The following CDH18 variants were observed in gnomAD, a reference collection of about 807,000 sequenced individuals.
The protein encoded by CDH18 is cadherin-18.
In CDH18, 31 loss-of-function variants were observed where a neutral mutation model predicts 67.9. The observed-to-expected ratio is 0.46, with a 90% CI of 0.34 to 0.62. The LOEUF is 0.62. CDH18 is among the 20% of genes least tolerant of loss of function. The pLI is 0.01. For missense variants in CDH18, 890 were observed against 975.5 expected (o/e 0.91, Z 1.17); for synonymous variants, 362 against 347.2 (o/e 1.04, Z -0.48).
chr5:19,649,483 T>A (rs1755257476), intron 5 of CDH18, among the ~76,000 whole-genome samples: 1 of 152,216 alleles, frequency 6.6e-6, no homozygotes, highest in African/African-American at 2.4e-5. Flanking sequence ...TTTACTGATA[T>A]GTAAATATTT....
chr5:20,077,472 G>T (rs1281010962), intron 2 of CDH18, among the ~76,000 whole-genome samples: 1 of 152,106 alleles, frequency 6.6e-6, no homozygotes, highest in African/African-American at 2.4e-5. Flanking sequence ...ACTTCCCTAG[G>T]CTGGGATGGC....
At chr5:20,543,869 G>C (rs1275688140) in intron 1 of CDH18, among the ~76,000 whole-genome samples, 2 of 152,084 alleles carry the variant, frequency 1.3e-5, no homozygotes, top group African/African-American at 4.8e-5. Flanking sequence ...AAAAGTAGAA[G>C]GTAGAAACTG....
At chr5:19,871,112 C>T (rs1369540643) in intron 2 of CDH18, among the ~76,000 whole-genome samples, 1 of 152,068 alleles carries the variant, frequency 6.6e-6, no homozygotes, top group Non-Finnish European at 1.5e-5. Context: ...ATCAAAAGTT[C>T]TAAAATTCGT....
Position 19,516,647 on chromosome 5 carries a change from T to C in CDH18, c.1512+4010A>G, listed in dbSNP as rs181614903. 4.3e-3 allele frequency among the ~76,000 whole-genome samples: 655 copies of C among 152,310 alleles called. 9 individuals are homozygous for C. The highest frequency in any genetic ancestry group is 0.015 in the African/African-American group (613 of 41,576). On this transcript the variant is annotated intron_variant, in intron 10 of 12. Coordinates refer to ENST00000382275, the MANE Select transcript of CDH18 (RefSeq NM_004934.5). ...TAGTTTATTTGCAAAGAGGTGTTTATAGTATTCTCTGATGGTAGTTTGTAT... is the reference window on the plus strand; with the variant it reads ...TAGTTTATTTGCAAAGAGGTGTTTACAGTATTCTCTGATGGTAGTTTGTAT...
chr5:20,232,578 T>C (rs1742158867), intron 2 of CDH18, among the ~76,000 whole-genome samples: 1 of 152,110 alleles, frequency 6.6e-6, no homozygotes, highest in African/African-American at 2.4e-5. Context: ...CAAAAGTCAT[T>C]ATTTTTTTCT....
intron 4 of CDH18, among the ~76,000 whole-genome samples, chr5:19,736,651 G>A (rs1476857365): frequency 2.6e-5 from 4 of 152,138 alleles, no homozygotes; most frequent in African/African-American, 7.2e-5. Flanking sequence ...TACTACAAAC[G>A]TTGCATATAA....
At chr5:20,440,233 C>A (rs1270349880) in intron 1 of CDH18, among the ~76,000 whole-genome samples, 2 of 151,738 alleles carry the variant, frequency 1.3e-5, no homozygotes, top group East Asian at 3.9e-4. Context: ...AGGCCATGAT[C>A]TGACTTTGAG....
Position 20,143,214 on chromosome 5 carries a change from G to A in CDH18, c.-518+112230C>T, listed in dbSNP as rs541332211. Among the ~76,000 whole-genome samples the A allele has an allele frequency of 5.7e-4, 87 of 152,174 alleles. 2 individuals carry two copies. In the South Asian group the frequency reaches 0.01, roughly 18 times the overall value. Reference sequence around the variant, plus strand: ...AAATATAAATGTTAAAGGGGATTCCGATGAAGTCTCCAATGGAAATAAGGA... The same window carrying A: ...AAATATAAATGTTAAAGGGGATTCCAATGAAGTCTCCAATGGAAATAAGGA... On this transcript the variant is annotated intron_variant, in intron 2 of 14. Transcript: ENST00000507958.
intron 2 of CDH18, among the ~76,000 whole-genome samples, chr5:19,903,463 T>C (rs989664697): frequency 6.6e-6 from 1 of 150,550 alleles, no homozygotes; most frequent in African/African-American, 2.4e-5. Context: ...AGGAACAAGC[T>C]GATACTTAGT....
intron 5 of CDH18, among the ~76,000 whole-genome samples, chr5:19,691,410 G>A (rs569976214): frequency 6.6e-6 from 1 of 151,918 alleles, no homozygotes; most frequent in Non-Finnish European, 1.5e-5. Context: ...AAAATAGGAA[G>A]AAATAAAAGG....
At chr5:19,876,834 C>G (rs539990062) in intron 2 of CDH18, among the ~76,000 whole-genome samples, 1 of 152,246 alleles carries the variant, frequency 6.6e-6, no homozygotes, top group East Asian at 1.9e-4. Flanking sequence ...CAGAGCTATG[C>G]TAACTTCCTA....
At chr5:19,645,749 G>A (rs1048262235) in intron 5 of CDH18, among the ~76,000 whole-genome samples, 14 of 152,084 alleles carry the variant, frequency 9.2e-5, no homozygotes, top group African/African-American at 3.1e-4. Context: ...TGACTCATGC[G>A]ACTGCCATTA....
chr5:19,678,635 A>T (rs1303219696), intron 5 of CDH18, among the ~76,000 whole-genome samples: 1 of 151,892 alleles, frequency 6.6e-6, no homozygotes, highest in East Asian at 1.9e-4. Context: ...CCAAACTCAC[A>T]GAAATACCAA....
chr5:20,395,068 A>C (rs1313479129), intron 1 of CDH18, among the ~76,000 whole-genome samples: 3 of 152,192 alleles, frequency 2.0e-5, no homozygotes, highest in Non-Finnish European at 4.4e-5. Flanking sequence ...TCTATTATTC[A>C]ATACAGAAAT....
chr5:20,158,373 T>C (rs1751721278), intron 2 of CDH18, among the ~76,000 whole-genome samples: 1 of 152,190 alleles, frequency 6.6e-6, no homozygotes, highest in South Asian at 2.1e-4. Context: ...CATAAAGTCT[T>C]TGTTGAGAAC....
intron 5 of CDH18, 125 bp downstream of exon 5, chr5:19,721,222 G>C: frequency 1.3e-5 from 11 of 854,096 alleles, no homozygotes; most frequent in Non-Finnish European, 1.7e-6. Flanking sequence ...GAAAAAGTGA[G>C]GATATGTTTA....
intron 3 of CDH18, among the ~76,000 whole-genome samples, chr5:19,828,353 C>T (rs1391839605): frequency 2.0e-5 from 3 of 150,962 alleles, no homozygotes; most frequent in Non-Finnish European, 4.4e-5. Flanking sequence ...TGGACTTCTC[C>T]CTAACTCAGT....
intron 2 of CDH18, among the ~76,000 whole-genome samples, chr5:20,251,643 G>A (rs75203287): frequency 2.0e-5 from 3 of 152,200 alleles, no homozygotes; most frequent in Non-Finnish European, 2.9e-5. Context: ...TGCAGTGGTG[G>A]GGGATGAGGC....
intron 1 of CDH18, among the ~76,000 whole-genome samples, chr5:20,404,207 T>G (rs1171583535): frequency 6.6e-6 from 1 of 152,216 alleles, no homozygotes; most frequent in Admixed American, 6.5e-5. Flanking sequence ...TGTTTGATCT[T>G]CTAAGCAGAC....
Sources: gnomAD v4.1 joint callset for allele counts (sites outside exome capture counted in the v4.1 genomes callset) on GRCh38, gnomAD v4.1.1 for gene constraint, MANE v1.5 for transcripts, NCBI Gene and HGNC (gene_info 2026-07-23, HGNC 2026-07-21) for gene names.